CLTB: variants seen among roughly 807,000 people sequenced by gnomAD.
The protein encoded by CLTB is clathrin, light chain (Lcb).
In CLTB, 10 loss-of-function variants were observed where a neutral mutation model predicts 30.5. The ratio of observed to expected loss-of-function variants is 0.33; its 90% CI spans 0.20 to 0.56. The LOEUF (loss-of-function observed/expected upper bound fraction) is 0.56. Among genes scored for constraint, CLTB ranks in the 20% least tolerant of loss-of-function variants. The probability of loss-of-function intolerance (pLI) is 0.91; values close to 1 mark genes in which losing one functional copy is unlikely to be tolerated. For missense variants in CLTB, 261 were observed against 308.3 expected (o/e 0.85, Z 1.15); for synonymous variants, 102 against 120.3 (o/e 0.85, Z 1.00).
intron 1 of CLTB, among the ~76,000 whole-genome samples, chr5:176,415,759 C>T (rs1281827723): frequency 6.6e-6 from 1 of 152,158 alleles, no homozygotes; most frequent in African/African-American, 2.4e-5. Context: ...CCAGGATCCT[C>T]TTTTTTCCCA....
chr5:176,400,712 T>C (rs1756776002), intron 2 of CLTB, among the ~76,000 whole-genome samples: 1 of 152,212 alleles, frequency 6.6e-6, no homozygotes, highest in African/African-American at 2.4e-5. Context: ...TCCCTCCTCC[T>C]TCAAGCACTT....
intron 5 of CLTB, among the ~76,000 whole-genome samples, chr5:176,394,847 T>C (rs966935745): frequency 7.3e-5 from 11 of 151,690 alleles, no homozygotes; most frequent in Non-Finnish European, 1.5e-4. Context: ...AGCCCTGGTC[T>C]ATACTCTCTC....
chr5:176,397,796 T>C, intron 3 of CLTB, 78 bp from the exon 4 acceptor site: 2 of 1,514,740 alleles, frequency 1.3e-6, no homozygotes, highest in Non-Finnish European at 1.8e-6. Context: ...CCCTGGCCCC[T>C]GCCAGGCAGC....
intron 2 of CLTB, 42 bp downstream of exon 2, chr5:176,410,215 G>A (rs992098811): frequency 1.9e-6 from 3 of 1,577,012 alleles, no homozygotes; most frequent in Non-Finnish European, 1.7e-6. Flanking sequence ...CTGAGACCAG[G>A]GCTGTTGGTC....
chr5:176,410,403 C>A, intron 1 of CLTB, 100 bp from the exon 2 acceptor site: 1 of 895,016 alleles, frequency 1.1e-6, no homozygotes. Flanking sequence ...TGTGTATACC[C>A]ATGTATATAT....
At chr5:176,412,202 T>G (rs955911266) in intron 1 of CLTB, among the ~76,000 whole-genome samples, 1 of 151,924 alleles carries the variant, frequency 6.6e-6, no homozygotes, top group Non-Finnish European at 1.5e-5. Flanking sequence ...AAGAATGCTT[T>G]TTTGGCTCCA....
chr5:176,398,168 G>A, intron 2 of CLTB, 121 bp from the exon 3 acceptor site: 1 of 802,418 alleles, frequency 1.2e-6, no homozygotes. Flanking sequence ...CATACCCACT[G>A]TCTCTGGTGA....
Position 176,392,779 on chromosome 5 carries a change from G to T in CLTB, c.685C>A (p.Arg229Ser). The change falls in exon 6 of 6, where the codon CGC becomes AGC. Residue 229 changes from arginine (R) to serine (S), a missense_variant. By Grantham distance (110) the Arg-to-Ser change is moderately radical. Transcript: ENST00000310418. The surrounding 1 kb of genome is among the most constrained non-coding windows in gnomAD (Gnocchi z 5.2). ...GCCATGCACCTAGCAGGCACCTAGC[G>T]GGACAGTGGCGTCTGCTTCAGGGAC... ...LMSLKQTPLS[R>S] 1.2e-6 allele frequency: 2 copies of T among 1,614,008 alleles called. No homozygotes were observed. Among genetic ancestry groups the T allele is most frequent in the Non-Finnish European group, 1.7e-6 (2 of 1,180,008 alleles).
chr5:176,401,395 C>T (rs1296293318), intron 2 of CLTB, among the ~76,000 whole-genome samples: 1 of 152,226 alleles, frequency 6.6e-6, no homozygotes, highest in Admixed American at 6.5e-5. Context: ...CACCCAATCC[C>T]CACTCCTTGA....
rs189430660 is a variant in CLTB, at chr5:176,406,787, T to C, written c.234+3470A>G. 3.6e-4 allele frequency: 400 copies of C among 1,117,180 alleles called. 1 individual carries two copies. In the African/African-American group the frequency reaches 5.7e-3, roughly 16 times the overall value. 69.2% of individuals were successfully genotyped at this position (1,117,180 alleles called of 1,614,324 possible). ...AGTGTTGGGTGTGCACAGGCCAAGG[T>C]TTCTCCTCCCCCTGCAGGTGCAGGC... On this transcript the variant is annotated intron_variant, in intron 2 of 5. Coordinates refer to ENST00000310418, the MANE Select transcript of CLTB (RefSeq NM_007097.5).
chr5:176,394,661 C>A lies in CLTB; in HGVS notation c.519-1716G>T, dbSNP rs57373741. Among the ~76,000 whole-genome samples, 1,361 of 151,760 alleles carry A rather than the reference C, an allele frequency of 9.0e-3. 11 individuals are homozygous for A. Among genetic ancestry groups the A allele is most frequent in the African/African-American group, 0.026 (1,060 of 41,354 alleles). On this transcript the variant is annotated intron_variant, in intron 5 of 5. Transcript: ENST00000310418. Reference sequence around the variant, plus strand: ...AACCCCGTCTCTACTAAAAAATACACAAAATTAGCCGGGCATGGTGGCGGG... The same window carrying A: ...AACCCCGTCTCTACTAAAAAATACAAAAAATTAGCCGGGCATGGTGGCGGG...
rs755341585 is a variant in CLTB at position 176,406,257 on chromosome 5, G to A, written c.234+4000C>T. 31 of 1,030,752 alleles carry A rather than the reference G, an allele frequency of 3.0e-5. No individual in the cohort carries two copies. The Admixed American group carries it at 5.5e-4, about 18-fold the overall frequency. The allele number at this position is 1,030,752 out of a possible 1,614,324, so 63.9% of individuals were successfully genotyped here. On this transcript the variant is annotated intron_variant, in intron 2 of 5. Transcript: ENST00000310418. ...ATGTTCTGACTCCTCCCAAGCTCTGGAGAGAGAAAGGGGCAGGAATGGCCA... is the reference window on the plus strand; with the variant it reads ...ATGTTCTGACTCCTCCCAAGCTCTGAAGAGAGAAAGGGGCAGGAATGGCCA...
chr5:176,392,933 C>T lies in CLTB; in HGVS notation c.531G>A (p.Glu177=), dbSNP rs1170451494. The change falls in exon 6 of 6, where the codon GAG becomes GAA. Residue 177 remains glutamate, a synonymous_variant. Coordinates refer to ENST00000310418, the MANE Select transcript of CLTB (RefSeq NM_007097.5). The surrounding 1 kb of genome is among the most constrained non-coding windows in gnomAD (Gnocchi z 5.2). ...CCTCCTTGGATTCCTTCACGAAAGC[C>T]TCCTCGGATGCCCTGCGGGTGGAGA... The part of the protein sequence containing the change: ...ADIIGYVASE[E]AFVKESKEET... 6.2e-7 allele frequency: 1 copy of T among 1,614,164 alleles called. No individual in the cohort carries two copies. The highest frequency in any genetic ancestry group is 1.3e-5 in the African/African-American group (1 of 75,062).
chr5:176,399,913 C>T (rs1203047140), intron 2 of CLTB, among the ~76,000 whole-genome samples: 3 of 148,890 alleles, frequency 2.0e-5, no homozygotes, highest in East Asian at 2.0e-4. Flanking sequence ...GGGAATAGAC[C>T]GGGCACAGTG....
chr5:176,412,004 G>A (rs182433638), intron 1 of CLTB, among the ~76,000 whole-genome samples: 227 of 151,810 alleles, frequency 1.5e-3, no homozygotes, highest in African/African-American at 4.9e-3. Context: ...GTGAAACCCC[G>A]TCTCTACTAA....
chr5:176,396,590 C>T (rs1384382895), intron 4 of CLTB, 58 bp from the exon 5 acceptor site: 39 of 1,240,376 alleles, frequency 3.1e-5, no homozygotes, highest in Middle Eastern at 1.9e-4. Flanking sequence ...GCAAGACAGA[C>T]AGGCAGGCAG....
chr5:176,394,454 T>C (rs1444258270), intron 5 of CLTB, among the ~76,000 whole-genome samples: 1 of 151,784 alleles, frequency 6.6e-6, no homozygotes, highest in Non-Finnish European at 1.5e-5. Context: ...GGTGGATCAC[T>C]TGAGGTCAGG....
At chr5:176,411,229 G>T (rs529901103) in intron 1 of CLTB, among the ~76,000 whole-genome samples, 2 of 152,220 alleles carry the variant, frequency 1.3e-5, no homozygotes, top group African/African-American at 2.4e-5. Context: ...CCATTCACAG[G>T]CCCCCTTGAC....
rs530307857 is a variant in CLTB, at chr5:176,395,412, G to A, written c.518+1067C>T. 5.3e-5 allele frequency among the ~76,000 whole-genome samples: 8 copies of A among 152,256 alleles called. No individual in the cohort carries two copies. In the South Asian group the frequency reaches 6.2e-4, roughly 12 times the overall value. Reference sequence around the variant, plus strand: ...GTGTCTTACCAATCTGGCACAAGGCGAGTGCCAAAGAGTACTAAATGAGGG... The same window carrying A: ...GTGTCTTACCAATCTGGCACAAGGCAAGTGCCAAAGAGTACTAAATGAGGG... On this transcript the variant is annotated intron_variant, in intron 5 of 5. Coordinates refer to ENST00000310418, the MANE Select transcript of CLTB (RefSeq NM_007097.5).
Sources: allele counts gnomAD v4.1 joint callset (sites outside exome capture counted in the v4.1 genomes callset), GRCh38; gene constraint gnomAD v4.1.1; non-coding constraint Gnocchi (gnomAD v3.1); transcripts MANE v1.5; gene names NCBI Gene and HGNC (gene_info 2026-07-23, HGNC 2026-07-21).